The following VPS13D variants were observed in gnomAD, a reference collection of about 807,000 sequenced individuals.
VPS13D encodes the protein intermembrane lipid transfer protein VPS13D.
A neutral mutation model predicts 461.9 loss-of-function variants in VPS13D; 187 were observed. The observed-to-expected ratio is 0.40, with a 90% CI of 0.36 to 0.46. VPS13D has a LOEUF of 0.46. Among genes scored for constraint, VPS13D ranks in the 20% least tolerant of loss-of-function variants. The pLI is 0.60. For synonymous variants in VPS13D, 1,951 were observed against 1,986.3 expected (o/e 0.98, Z 0.47); for missense variants, 4,711 against 5,364.9 (o/e 0.88, Z 3.81).
At chr1:12,452,487 C>T (rs899723231) in intron 65 of VPS13D, among the ~76,000 whole-genome samples, 1 of 152,242 alleles carries the variant, frequency 6.6e-6, no homozygotes, top group African/African-American at 2.4e-5. Flanking sequence ...CTGGAATTCC[C>T]TCCCTCCACA....
Position 12,342,570 on chromosome 1 carries a change from CA to C in VPS13D, c.8733-328del, listed in dbSNP as rs565852368. 1.7e-3 allele frequency among the ~76,000 whole-genome samples: 257 copies of C among 152,296 alleles called. 1 individual carries two copies. The highest frequency in any genetic ancestry group is 5.3e-3 in the African/African-American group (220 of 41,560). ...TAGAAGAGAAGCTTTTTTGTTTTAA[CA>C]GTGTAGGTCTGTTAAATTCCAACTA... On this transcript the variant is annotated intron_variant, in intron 41 of 69. Coordinates refer to ENST00000620676, the MANE Select transcript of VPS13D (RefSeq NM_015378.4).
chr1:12,312,548 A>G (rs1642782939), intron 29 of VPS13D, among the ~76,000 whole-genome samples: 1 of 152,150 alleles, frequency 6.6e-6, no homozygotes, highest in South Asian at 2.1e-4. Flanking sequence ...GCTTGAGGCC[A>G]GGAATTCCAG....
intron 21 of VPS13D, among the ~76,000 whole-genome samples, chr1:12,285,583 C>G (rs200250012): frequency 6.6e-6 from 1 of 152,062 alleles, no homozygotes; most frequent in Admixed American, 6.6e-5. Context: ...AGCCACTGCG[C>G]GTTGCCTGCT....
chr1:12,372,031 CAT>C (rs1381166150), intron 54 of VPS13D, among the ~76,000 whole-genome samples: 1 of 152,062 alleles, frequency 6.6e-6, no homozygotes, highest in Non-Finnish European at 1.5e-5. Context: ...TCCTCACCAA[CAT>C]GTGTTGGTTT....
At position 12,341,817 on chromosome 1, in the gene VPS13D, C is replaced by T. The variant is rs1455424941; in HGVS notation, c.8664C>T (p.Val2888=). 6.2e-7 allele frequency: 1 copy of T among 1,614,028 alleles called. No homozygotes were observed. Among genetic ancestry groups the T allele is most frequent in the East Asian group, 2.2e-5 (1 of 44,870 alleles). ...VKTPKRRQPF[V]PFALRNHTGC... ...CCCCCAAGCGCCGGCAGCCATTTGT[C>T]CCCTTTGCTCTGAGGAACCACACGG... Residue 2888 remains valine, a synonymous_variant, in exon 41 of 70, where the codon GTC becomes GTT. Coordinates refer to ENST00000620676, the MANE Select transcript of VPS13D (RefSeq NM_015378.4).
At chr1:12,411,539 G>C (rs1356873178) in intron 63 of VPS13D, among the ~76,000 whole-genome samples, 1 of 130,114 alleles carries the variant, frequency 7.7e-6, no homozygotes, top group Non-Finnish European at 1.6e-5. Flanking sequence ...AGATGAGAGG[G>C]AAGAGGAGGG....
At chr1:12,326,319 GGA>G (rs1643185423) in intron 35 of VPS13D, among the ~76,000 whole-genome samples, 3 of 109,188 alleles carry the variant, frequency 2.7e-5, no homozygotes, top group Non-Finnish European at 5.7e-5. Context: ...AGAACCTTTT[GGA>G]TTTTTTTTTT....
chr1:12,249,756 G>T (rs754496906), intron 6 of VPS13D, among the ~76,000 whole-genome samples: 1 of 152,020 alleles, frequency 6.6e-6, no homozygotes, highest in Non-Finnish European at 1.5e-5. Flanking sequence ...ACTACTGCTT[G>T]TCTCAAAACA....
intron 18 of VPS13D, among the ~76,000 whole-genome samples, chr1:12,274,600 C>G (rs981285369): frequency 6.6e-6 from 1 of 152,186 alleles, no homozygotes; most frequent in Non-Finnish European, 1.5e-5. Flanking sequence ...GTGTGAGCCA[C>G]GATGCCCAGC....
chr1:12,485,113 C>T (rs889801499), intron 67 of VPS13D, among the ~76,000 whole-genome samples: 17 of 152,152 alleles, frequency 1.1e-4, no homozygotes, highest in African/African-American at 4.1e-4. Context: ...AACTGGTTTA[C>T]TTCAATTCTA....
rs76545043 is a variant in VPS13D at position 12,318,000 on chromosome 1, G to A, written c.7149-72G>A. Reference sequence around the variant, plus strand: ...GAATACCACCTGCCAAAACTGAGCAGTACATTTGCAGGTTATTGAAATAAC... The same window carrying A: ...GAATACCACCTGCCAAAACTGAGCAATACATTTGCAGGTTATTGAAATAAC... On this transcript the variant is annotated intron_variant, in intron 30 of 69. Coordinates refer to ENST00000620676, the MANE Select transcript of VPS13D (RefSeq NM_015378.4). 0.034 allele frequency: 50,236 copies of A among 1,486,058 alleles called. 1,011 individuals carry two copies. Among genetic ancestry groups the A allele is most frequent in the South Asian group, 0.061 (4,646 of 75,672 alleles). The allele number at this position is 1,486,058 out of a possible 1,614,324, so 92.1% of individuals were successfully genotyped here.
In VPS13D at chr1:12,507,433, G is replaced by A. The variant is rs759074471; in HGVS notation, c.13035+340G>A. 2.0e-6 allele frequency: 1 copy of A among 508,750 alleles called. No individual in the cohort carries two copies. Among genetic ancestry groups the A allele is most frequent in the South Asian group, 1.6e-5 (1 of 63,424 alleles). 31.5% of individuals were successfully genotyped at this position (508,750 alleles called of 1,614,324 possible). ...ACAGGGTTTTTCTGCTCCCAAAATGGGATTCTTCAGTGCACCAAATCGAAG... is the reference window on the plus strand; with the variant it reads ...ACAGGGTTTTTCTGCTCCCAAAATGAGATTCTTCAGTGCACCAAATCGAAG... On this transcript the variant is annotated intron_variant, in intron 69 of 69. Coordinates refer to ENST00000620676, the MANE Select transcript of VPS13D (RefSeq NM_015378.4). The surrounding 1 kb of genome is among the most constrained non-coding windows in gnomAD (Gnocchi z 5.3).
At chr1:12,460,900 G>C (rs1455043162) in intron 67 of VPS13D, among the ~76,000 whole-genome samples, 5 of 152,050 alleles carry the variant, frequency 3.3e-5, no homozygotes, top group Non-Finnish European at 7.3e-5. Context: ...CCTTCCGCTT[G>C]AAAGTATCAG....
intron 60 of VPS13D, among the ~76,000 whole-genome samples, chr1:12,387,673 T>C (rs960403790): frequency 1.4e-4 from 22 of 152,214 alleles, no homozygotes; most frequent in African/African-American, 5.3e-4. Context: ...AGTAGCAATA[T>C]GGAAGACATA....
chr1:12,435,777 G>C (rs929244572), intron 65 of VPS13D, among the ~76,000 whole-genome samples: 1 of 151,860 alleles, frequency 6.6e-6, no homozygotes, highest in Admixed American at 6.6e-5. Context: ...ATGTAAGGCT[G>C]TATTATCAAG....
intron 32 of VPS13D, 141 bp downstream of exon 32, chr1:12,319,771 TTTC>T: frequency 7.9e-7 from 1 of 1,265,656 alleles, no homozygotes; most frequent in South Asian, 1.5e-5. Flanking sequence ...TCCTCTTTGT[TTTC>T]TCCCCAAATC....
Position 12,478,078 on chromosome 1 carries a change from G to T in VPS13D, c.12662+17682G>T, listed in dbSNP as rs1482579743. ...ACAAAGTGAAATGTGACATTCAGGAGCAGCTCGGGGCCTATATATAGGGGC... is the reference window on the plus strand; with the variant it reads ...ACAAAGTGAAATGTGACATTCAGGATCAGCTCGGGGCCTATATATAGGGGC... On this transcript the variant is annotated intron_variant, in intron 67 of 69. Coordinates refer to ENST00000620676, the MANE Select transcript of VPS13D (RefSeq NM_015378.4). Among the ~76,000 whole-genome samples the T allele has an allele frequency of 2.0e-5, 3 of 152,248 alleles. No individual in the cohort carries two copies. In the East Asian group the frequency reaches 5.8e-4, roughly 29 times the overall value.
chr1:12,285,796 A>G lies in VPS13D; in HGVS notation c.5634+2060A>G, dbSNP rs572349607. Among the ~76,000 whole-genome samples the G allele has an allele frequency of 1.7e-3, 266 of 152,244 alleles. 1 individual carries two copies. Among genetic ancestry groups the G allele is most frequent in the African/African-American group, 5.9e-3 (245 of 41,542 alleles). ...TTATTGGTGGATTGTAGAGGAATGA[A>G]TGGTTTAAGAAACTTCTTGTCTTTC... is the stretch of plus-strand genomic sequence containing the variant. On this transcript the variant is annotated intron_variant, in intron 21 of 69. Transcript: ENST00000620676.
At chr1:12,428,386 C>G (rs866512749) in intron 65 of VPS13D, among the ~76,000 whole-genome samples, 2 of 152,188 alleles carry the variant, frequency 1.3e-5, no homozygotes, top group Non-Finnish European at 2.9e-5. Context: ...TGGGGAAGCC[C>G]TCCAGTGCCA....
Sources: allele counts gnomAD v4.1 joint callset (sites outside exome capture counted in the v4.1 genomes callset), GRCh38; gene constraint gnomAD v4.1.1; non-coding constraint Gnocchi (gnomAD v3.1); transcripts MANE v1.5; gene names NCBI Gene and HGNC (gene_info 2026-07-23, HGNC 2026-07-21).